IPO9: variants seen among roughly 807,000 people sequenced by gnomAD.
IPO9 encodes the protein importin 9, also known as importin-9.
In IPO9, 28 loss-of-function variants were observed where a neutral mutation model predicts 128.6. That is an observed-to-expected ratio of 0.22 (90% CI 0.16 to 0.30). The LOEUF (loss-of-function observed/expected upper bound fraction) is 0.30, where lower values mean the gene tolerates loss of function less well. Ranked by LOEUF, IPO9 falls within the 10% of genes least tolerant of loss-of-function variation. IPO9 has a pLI of 1.00. For missense variants in IPO9, 935 were observed against 1,293.9 expected (o/e 0.72, Z 4.26); for synonymous variants, 455 against 475.8 (o/e 0.96, Z 0.57).
chr1:201,875,849 C>A, intron 23 of IPO9, 95 bp from the exon 24 acceptor site: 2 of 777,922 alleles, frequency 2.6e-6, no homozygotes. Context: ...GTCTAAAAAC[C>A]AGCATTCCCT....
At chr1:201,869,011 G>A (rs1179118927) in intron 16 of IPO9, among the ~76,000 whole-genome samples, 1 of 152,282 alleles carries the variant, frequency 6.6e-6, no homozygotes, top group South Asian at 2.1e-4. Context: ...GCAGCACTTT[G>A]GGAGGCCGAG....
At chr1:201,851,682 A>G (rs941193800) in intron 4 of IPO9, among the ~76,000 whole-genome samples, 3 of 152,200 alleles carry the variant, frequency 2.0e-5, no homozygotes, top group Admixed American at 6.5e-5. Flanking sequence ...ATTTTATTAC[A>G]TGCATCAAAC....
chr1:201,832,090 C>T (rs565508450), intron 1 of IPO9, among the ~76,000 whole-genome samples: 10 of 150,948 alleles, frequency 6.6e-5, no homozygotes, highest in African/African-American at 2.2e-4. Flanking sequence ...TTAGTAGAGA[C>T]GAGGTTTCAC....
intron 20 of IPO9, among the ~76,000 whole-genome samples, chr1:201,873,633 G>A (rs1243193435): frequency 6.6e-6 from 1 of 151,880 alleles, no homozygotes; most frequent in East Asian, 1.9e-4. Flanking sequence ...TGTAATCCCA[G>A]CTACTCGGGA....
Position 201,854,915 on chromosome 1 carries a change from T to G in IPO9, c.903T>G (p.Ser301Arg). 1 of 1,600,286 alleles carries G rather than the reference T, an allele frequency of 6.2e-7. No homozygotes were observed. The highest frequency in any genetic ancestry group is 8.5e-7 in the Non-Finnish European group (1 of 1,175,552). ...LPIVWNTLTE[S>R]AAFYVRTEVN... ...TTGTTTGGAACACCCTAACCGAGAG[T>G]GCAGCTTTATATCCTTTCTTGAAAG... Residue 301 changes from serine to arginine, a missense_variant, in exon 8 of 24, where the codon AGT (serine) becomes AGG (arginine). Around this residue, in one of 3 missense-constraint regions of IPO9, gnomAD observed 741 missense variants for 1,019.1 expected, o/e 0.73. Coordinates refer to ENST00000361565, the MANE Select transcript of IPO9 (RefSeq NM_018085.5).
intron 1 of IPO9, among the ~76,000 whole-genome samples, chr1:201,833,073 A>G (rs2056217): frequency 0.01 from 1,561 of 152,272 alleles, 30 homozygotes; most frequent in African/African-American, 0.036. Context: ...AAATAAATAA[A>G]TTGCCTATAA....
In IPO9 at chr1:201,848,267, A is replaced by G. The variant is rs143780891; in HGVS notation, c.313-126A>G. 5.1e-4 allele frequency: 376 copies of G among 744,530 alleles called. 2 individuals are homozygous for G. In the African/African-American group the frequency reaches 6.2e-3, roughly 12 times the overall value. The allele number at this position is 744,530 out of a possible 1,614,324, so 46.1% of individuals were successfully genotyped here. On this transcript the variant is annotated intron_variant, in intron 3 of 23. Coordinates refer to ENST00000361565, the MANE Select transcript of IPO9 (RefSeq NM_018085.5). ...CAAATGAATTGTCAAGTTTGTGTATAGGAGTTTTCTGTAGACATGCAGTAC... is the reference window on the plus strand; with the variant it reads ...CAAATGAATTGTCAAGTTTGTGTATGGGAGTTTTCTGTAGACATGCAGTAC...
chr1:201,863,707 G>A lies in IPO9; in HGVS notation c.1628+100G>A, dbSNP rs891752414. On this transcript the variant is annotated intron_variant, in intron 14 of 23. Coordinates refer to ENST00000361565, the MANE Select transcript of IPO9 (RefSeq NM_018085.5). ...TGTATTATGTTGCTTGGAAATCCCT[G>A]CTAATGATATCCTTCAGGGTGAATG... 8 of 1,089,478 alleles carry A rather than the reference G, an allele frequency of 7.3e-6. 1 individual carries two copies. The highest frequency in any genetic ancestry group is 2.2e-4 in the Middle Eastern group (1 of 4,594). The allele number at this position is 1,089,478 out of a possible 1,614,324, so 67.5% of individuals were successfully genotyped here. A position where few individuals can be genotyped will look rare whatever the true frequency, so the allele number is the denominator to read the frequency against.
intron 14 of IPO9, among the ~76,000 whole-genome samples, chr1:201,865,380 GTATTTT>G (rs1396747305): frequency 6.6e-6 from 1 of 151,758 alleles, no homozygotes; most frequent in Non-Finnish European, 1.5e-5. Flanking sequence ...AGCTAATTTT[GTATTTT>G]TAGTAGAGAC....
At chr1:201,865,262 G>C (rs567527671) in intron 14 of IPO9, among the ~76,000 whole-genome samples, 1 of 146,964 alleles carries the variant, frequency 6.8e-6, no homozygotes, top group South Asian at 2.2e-4. Context: ...AGGCTGGAGT[G>C]CAGTGGCGCG....
chr1:201,833,951 A>AT (rs1251446687), intron 1 of IPO9, among the ~76,000 whole-genome samples: 4 of 151,786 alleles, frequency 2.6e-5, no homozygotes, highest in African/African-American at 9.7e-5. Flanking sequence ...TACTTGGCTG[A>AT]TTTTTTTAGT....
chr1:201,868,556 C>T, intron 15 of IPO9, 92 bp from the exon 16 acceptor site: 1 of 1,401,534 alleles, frequency 7.1e-7, no homozygotes, highest in South Asian at 1.4e-5. Flanking sequence ...AAGTTGTTAA[C>T]TTAGGTTAGG....
At chr1:201,859,859 C>G (rs983663053) in intron 13 of IPO9, among the ~76,000 whole-genome samples, 1 of 151,810 alleles carries the variant, frequency 6.6e-6, no homozygotes, top group Non-Finnish European at 1.5e-5. Context: ...ACTCAAGAGG[C>G]TGAGGCAGGA....
chr1:201,877,937 AAAG>A lies in IPO9; in HGVS notation c.*1885_*1887del, dbSNP rs1428490383. On this transcript the variant is annotated 3_prime_UTR_variant, in exon 24 of 24. Transcript: ENST00000361565. ...AGCGAAACTCTGTCTCAAAAAAAAAAAAGAGAAAGAATATAAAGTGAATCTGAA... is the reference window on the plus strand; with the variant it reads ...AGCGAAACTCTGTCTCAAAAAAAAAAAGAAAGAATATAAAGTGAATCTGAA... 3 of 152,182 alleles carry A rather than the reference AAAG, an allele frequency of 2.0e-5. No individual in the cohort carries two copies. The highest frequency in any genetic ancestry group is 2.4e-5 in the African/African-American group (1 of 41,410). The allele number at this position is 152,182 out of a possible 1,614,324, so 9.4% of individuals were successfully genotyped here.
At chr1:201,839,906 A>G (rs1680005679) in intron 1 of IPO9, among the ~76,000 whole-genome samples, 1 of 152,216 alleles carries the variant, frequency 6.6e-6, no homozygotes. Flanking sequence ...TTTTCCCCAC[A>G]ATGTATACTA....
intron 13 of IPO9, among the ~76,000 whole-genome samples, chr1:201,860,162 G>A (rs1680417464): frequency 6.6e-6 from 1 of 152,108 alleles, no homozygotes; most frequent in South Asian, 2.1e-4. Flanking sequence ...GGAACCTTTG[G>A]TATTGTTTGC....
rs973522857 is a variant in IPO9, at chr1:201,849,435, C to T, written c.514+841C>T. Among the ~76,000 whole-genome samples the T allele has an allele frequency of 2.6e-5, 4 of 152,290 alleles. No homozygotes were observed. The East Asian group carries it at 7.7e-4, about 29-fold the overall frequency. On this transcript the variant is annotated intron_variant, in intron 4 of 23. Coordinates refer to ENST00000361565, the MANE Select transcript of IPO9 (RefSeq NM_018085.5). ...AAATTCTTACCTGGACTTTAGTCAT[C>T]CTGTACTGATCCTTTAGAAATCATC...
rs992983977 is a variant in IPO9, at chr1:201,878,034, A to G, written c.*1980A>G. 1 of 152,226 alleles carries G rather than the reference A, an allele frequency of 6.6e-6. No homozygotes were observed. Among genetic ancestry groups the G allele is most frequent in the African/African-American group, 2.4e-5 (1 of 41,458 alleles). 9.4% of individuals were successfully genotyped at this position (152,226 alleles called of 1,614,324 possible). A position where few individuals can be genotyped will look rare whatever the true frequency, so the allele number is the denominator to read the frequency against. On this transcript the variant is annotated 3_prime_UTR_variant, in exon 24 of 24. Transcript: ENST00000361565. Reference sequence around the variant, plus strand: ...TTTCTTCATGCCACTAGGTGTCCCCAGTGTTCAACCTCCATGACTGAGATT... The same window carrying G: ...TTTCTTCATGCCACTAGGTGTCCCCGGTGTTCAACCTCCATGACTGAGATT...
At chr1:201,842,259 A>C (rs1047006004) in intron 1 of IPO9, among the ~76,000 whole-genome samples, 1 of 152,180 alleles carries the variant, frequency 6.6e-6, no homozygotes, top group Non-Finnish European at 1.5e-5. Context: ...TCTACAAAGG[A>C]TATTCGAAAC....
Sources: allele counts gnomAD v4.1 joint callset (sites outside exome capture counted in the v4.1 genomes callset), GRCh38; gene constraint gnomAD v4.1.1; regional missense constraint gnomAD v4.1.1; transcripts MANE v1.5; gene names NCBI Gene and HGNC (gene_info 2026-07-23, HGNC 2026-07-21).